CCDC171: variants seen among roughly 807,000 people sequenced by gnomAD.
CCDC171 encodes coiled-coil domain-containing protein 171.
Under a neutral mutation model 168.2 loss-of-function variants are expected in CCDC171, and 177 were observed. That is an observed-to-expected ratio of 1.05 (90% CI 0.93 to 1.19). The LOEUF (loss-of-function observed/expected upper bound fraction) is 1.19. Among genes scored for constraint, CCDC171 ranks in the 50% most tolerant of loss-of-function variants. The pLI, the probability that CCDC171 is intolerant of heterozygous loss-of-function variation, is 0.00. For synonymous variants in CCDC171, 687 were observed against 540.8 expected (o/e 1.27, Z -3.75); for missense variants, 1,991 against 1,539.0 (o/e 1.29, Z -4.91).
intron 21 of CCDC171, among the ~76,000 whole-genome samples, chr9:15,804,459 G>A (rs1415744379): frequency 8.4e-6 from 1 of 118,390 alleles, no homozygotes; most frequent in Non-Finnish European, 1.9e-5. Flanking sequence ...TTTTATCGAA[G>A]GCCTTTTTTT....
At chr9:16,030,244 T>C (rs1390471152) in intron 6 of CCDC171, among the ~76,000 whole-genome samples, 1 of 152,168 alleles carries the variant, frequency 6.6e-6, no homozygotes, top group Non-Finnish European at 1.5e-5. Flanking sequence ...CAGTTACTCT[T>C]TATATATCTA....
chr9:15,623,475 G>GCGCGCGCTCACACACACACACACACACA, intron 7 of CCDC171, 62 bp downstream of exon 7: 1 of 311,464 alleles, frequency 3.2e-6, no homozygotes, highest in East Asian at 8.1e-5. Flanking sequence ...GCGCGCGCGC[G>GCGCGCGCTCACACACACACACACACACA]CACACACACA....
chr9:15,836,230 G>C (rs2136304096), intron 21 of CCDC171, among the ~76,000 whole-genome samples: 1 of 152,262 alleles, frequency 6.6e-6, no homozygotes, highest in Non-Finnish European at 1.5e-5. Flanking sequence ...AACCACAAGT[G>C]ATTTCTCACA....
chr9:15,737,745 G>A (rs2054591141), intron 16 of CCDC171, among the ~76,000 whole-genome samples: 1 of 152,122 alleles, frequency 6.6e-6, no homozygotes, highest in Non-Finnish European at 1.5e-5. Flanking sequence ...AATGAAGATA[G>A]TGTTTTAAAA....
rs868790104 is a variant in CCDC171, at chr9:16,054,401, G to C, written n.90-6245G>C. Among the ~76,000 whole-genome samples the C allele has an allele frequency of 2.0e-4, 31 of 152,180 alleles. 1 individual carries two copies. Among genetic ancestry groups the C allele is most frequent in the Admixed American group, 6.5e-4 (10 of 15,282 alleles). On this transcript the variant is annotated intron_variant and non_coding_transcript_variant, in intron 1 of 1. Coordinates refer to the CCDC171 transcript ENST00000478913. ...AGTAGTCAGTGGGGCTCCCACAGGA[G>C]GTAACGTTAGAGTGAATTCTCAAGG...
chr9:15,799,147 T>TATATATATAC (rs1167310640), intron 21 of CCDC171, among the ~76,000 whole-genome samples: 1 of 143,612 alleles, frequency 7.0e-6, no homozygotes, highest in African/African-American at 2.6e-5. Flanking sequence ...TATATATATA[T>TATATATATAC]ATATATATAT....
At chr9:15,579,206 T>C (rs2040923427) in intron 4 of CCDC171, among the ~76,000 whole-genome samples, 183 bp downstream of exon 4, 1 of 152,240 alleles carries the variant, frequency 6.6e-6, no homozygotes, top group Admixed American at 6.5e-5. Flanking sequence ...TGAACATTTA[T>C]CTACTTTACA....
rs2044242517 is a variant in CCDC171, at chr9:15,618,300, C to T, written c.676-4967C>T. Among the ~76,000 whole-genome samples, 3 of 152,178 alleles carry T rather than the reference C, an allele frequency of 2.0e-5. No homozygotes were observed. The South Asian group carries it at 6.2e-4, about 32-fold the overall frequency. On this transcript the variant is annotated intron_variant, in intron 6 of 25. Coordinates refer to ENST00000380701, the MANE Select transcript of CCDC171 (RefSeq NM_173550.4). Reference sequence around the variant, plus strand: ...GGTGACTGTGCCCAGTCCAAACCTCCCAGTCTCCTTAGCACTATCAGGAGA... The same window carrying T: ...GGTGACTGTGCCCAGTCCAAACCTCTCAGTCTCCTTAGCACTATCAGGAGA...
chr9:15,669,706 A>T lies in CCDC171; in HGVS notation c.1076+3383A>T, dbSNP rs530455134. 9.2e-5 allele frequency among the ~76,000 whole-genome samples: 14 copies of T among 152,298 alleles called. No individual in the cohort carries two copies. In the South Asian group the frequency reaches 2.7e-3, roughly 29 times the overall value. ...TCATAGTAATCCTTAGGTATAGTTG[A>T]AACATAAATTTAATTTGAAACATCA... On this transcript the variant is annotated intron_variant, in intron 9 of 25. Coordinates refer to ENST00000380701, the MANE Select transcript of CCDC171 (RefSeq NM_173550.4).
intron 2 of CCDC171, among the ~76,000 whole-genome samples, chr9:15,565,187 C>G (rs1341242642): frequency 6.7e-6 from 1 of 149,868 alleles, no homozygotes; most frequent in African/African-American, 2.5e-5. Flanking sequence ...CTCCCGAGTT[C>G]AAGTGATTCC....
chr9:16,028,857 G>C (rs996688832), intron 6 of CCDC171, among the ~76,000 whole-genome samples: 1 of 152,170 alleles, frequency 6.6e-6, no homozygotes, highest in African/African-American at 2.4e-5. Context: ...ACTTCCCCTA[G>C]TATTGCACTG....
intron 7 of CCDC171, among the ~76,000 whole-genome samples, chr9:15,639,048 A>G (rs1306288164): frequency 1.3e-5 from 2 of 152,078 alleles, no homozygotes; most frequent in African/African-American, 4.8e-5. Flanking sequence ...GTCATATTCT[A>G]TATTATAGTA....
At chr9:16,031,180 T>G (rs576501085) in intron 6 of CCDC171, among the ~76,000 whole-genome samples, 2 of 152,246 alleles carry the variant, frequency 1.3e-5, no homozygotes, top group East Asian at 3.9e-4. Context: ...CATTTGAAAA[T>G]AGGTTTTTCA....
At chr9:16,067,313 G>GT in the CCDC171 span, among the ~76,000 whole-genome samples, 2 of 151,900 alleles carry the variant, frequency 1.3e-5, no homozygotes, top group East Asian at 1.9e-4. Flanking sequence ...GGGGTTGTTT[G>GT]TTTTTTTCTT....
At chr9:15,658,084 A>C (rs1443384381) in intron 8 of CCDC171, among the ~76,000 whole-genome samples, 1 of 152,226 alleles carries the variant, frequency 6.6e-6, no homozygotes, top group Non-Finnish European at 1.5e-5. Flanking sequence ...GAAAATGTTT[A>C]CTGACCACTG....
rs924385001 is a variant in CCDC171 at position 15,972,922 on chromosome 9, G to A, written c.*1086G>A. 1.3e-5 allele frequency: 2 copies of A among 152,112 alleles called. No homozygotes were observed. The highest frequency in any genetic ancestry group is 4.8e-5 in the African/African-American group (2 of 41,428). 9.4% of individuals were successfully genotyped at this position (152,112 alleles called of 1,614,324 possible). A position where few individuals can be genotyped will look rare whatever the true frequency, so the allele number is the denominator to read the frequency against. ...CAAATAATAGGTCAAGCAGGAAGGA[G>A]CTGAGTTCTAACCACAAAGAGGTTT... On this transcript the variant is annotated 3_prime_UTR_variant, in exon 26 of 26. Coordinates refer to ENST00000380701, the MANE Select transcript of CCDC171 (RefSeq NM_173550.4).
chr9:15,591,355 A>G lies in CCDC171; in HGVS notation c.353-11A>G, dbSNP rs371730935. The G allele has an allele frequency of 1.9e-5, 29 of 1,542,396 alleles. No individual in the cohort carries two copies. The East Asian group carries it at 2.7e-4, about 15-fold the overall frequency. Reference sequence around the variant, plus strand: ...TGGTTGTAAATGTACCTATTATTCTATTCTTAATAGCACAGAATTCAGAAC... The same window carrying G: ...TGGTTGTAAATGTACCTATTATTCTGTTCTTAATAGCACAGAATTCAGAAC... On this transcript the variant is annotated splice_polypyrimidine_tract_variant and intron_variant, in intron 4 of 25. Coordinates refer to ENST00000380701, the MANE Select transcript of CCDC171 (RefSeq NM_173550.4).
In CCDC171 at chr9:15,759,859, T is replaced by C. The variant is rs537217187; in HGVS notation, c.2671+14228T>C. ...TGAGTAATATTTAATTATTTGTATA[T>C]TCCATAATTTAACTGATTCATAGTA... On this transcript the variant is annotated intron_variant, in intron 18 of 25. Coordinates refer to ENST00000380701, the MANE Select transcript of CCDC171 (RefSeq NM_173550.4). Among the ~76,000 whole-genome samples the C allele has an allele frequency of 8.5e-5, 13 of 152,328 alleles. No individual in the cohort carries two copies. The South Asian group carries it at 2.3e-3, about 27-fold the overall frequency.
At chr9:15,919,157 G>A (rs1188988114) in intron 24 of CCDC171, among the ~76,000 whole-genome samples, 1 of 151,514 alleles carries the variant, frequency 6.6e-6, no homozygotes, top group African/African-American at 2.4e-5. Flanking sequence ...GCTCACAAGA[G>A]GATTCTTGAA....
Sources: gnomAD v4.1 joint callset for allele counts (sites outside exome capture counted in the v4.1 genomes callset) on GRCh38, gnomAD v4.1.1 for gene constraint, MANE v1.5 for transcripts, NCBI Gene and HGNC (gene_info 2026-07-23, HGNC 2026-07-21) for gene names.